The following BANK1 variants were observed in gnomAD, a reference collection of about 807,000 sequenced individuals.
BANK1 encodes the protein B cell scaffold protein with ankyrin repeats 1, also known as B-cell scaffold protein with ankyrin repeats.
Under a neutral mutation model 94.5 loss-of-function variants are expected in BANK1, and 95 were observed. The observed-to-expected ratio is 1.00, with a 90% CI of 0.85 to 1.19. The LOEUF is 1.19. Ranked by LOEUF, BANK1 falls within the 50% of genes most tolerant of loss-of-function variation. The pLI, the probability that BANK1 is intolerant of heterozygous loss-of-function variation, is 0.00. For missense variants in BANK1, 987 were observed against 932.2 expected (o/e 1.06, Z -0.77); for synonymous variants, 334 against 308.4 (o/e 1.08, Z -0.87).
chr4:101,957,847 T>TC (rs1724404996), intron 7 of BANK1, among the ~76,000 whole-genome samples: 1 of 144,844 alleles, frequency 6.9e-6, no homozygotes, highest in East Asian at 2.2e-4. Context: ...TTTTTTGCTT[T>TC]TTTTTTTTTT....
At chr4:101,830,892 T>C (rs1210559087) in intron 2 of BANK1, among the ~76,000 whole-genome samples, 1 of 152,190 alleles carries the variant, frequency 6.6e-6, no homozygotes, top group African/African-American at 2.4e-5. Context: ...CATTTTATCT[T>C]GGCCACACCA....
At chr4:102,007,133 T>TAAA (rs1187828707) in intron 7 of BANK1, among the ~76,000 whole-genome samples, 1 of 44,704 alleles carries the variant, frequency 2.2e-5, no homozygotes, top group African/African-American at 9.2e-5. Context: ...TATATATATA[T>TAAA]AAAAAATATA....
chr4:101,891,996 T>C (rs1721895065), intron 5 of BANK1, among the ~76,000 whole-genome samples: 1 of 151,946 alleles, frequency 6.6e-6, no homozygotes, highest in African/African-American at 2.4e-5. Context: ...CTTTGTCCTC[T>C]TGGTGTTGGC....
chr4:101,791,674 C>T (rs1724992915), intron 1 of BANK1, among the ~76,000 whole-genome samples: 1 of 151,974 alleles, frequency 6.6e-6, no homozygotes, highest in Non-Finnish European at 1.5e-5. Flanking sequence ...CTGGAGTGTT[C>T]GTGGTGAGAA....
chr4:102,029,937 C>T, intron 9 of BANK1, 23 bp from the exon 10 acceptor site: 1 of 1,574,218 alleles, frequency 6.4e-7, no homozygotes, highest in Non-Finnish European at 8.6e-7. Context: ...AGAGTAAACA[C>T]CATGTAAATA....
intron 7 of BANK1, among the ~76,000 whole-genome samples, chr4:102,000,085 C>G (rs1249471263): frequency 6.6e-6 from 1 of 151,920 alleles, no homozygotes; most frequent in African/African-American, 2.4e-5. Flanking sequence ...TTTGGGAGGC[C>G]AAGCAAGACA....
intron 2 of BANK1, among the ~76,000 whole-genome samples, chr4:101,844,554 C>G (rs1727176375): frequency 6.6e-6 from 1 of 152,154 alleles, no homozygotes; most frequent in African/African-American, 2.4e-5. Flanking sequence ...GGTCTTTTAC[C>G]CTCAGTGCAA....
intron 7 of BANK1, among the ~76,000 whole-genome samples, chr4:102,009,994 C>T (rs557493771): frequency 9.5e-4 from 144 of 152,130 alleles, no homozygotes; most frequent in East Asian, 4.3e-3. Flanking sequence ...TGGCTGGGTG[C>T]CGTGGCTCAC....
rs200183297 is a variant in BANK1, at chr4:102,063,130, A to T, written c.2204A>T (p.Asn735Ile). Residue 735 changes from asparagine (N) to isoleucine (I), a missense_variant, in exon 13 of 17, where the codon AAT becomes ATT. Physicochemically the swap from Asn to Ile is moderately radical, Grantham distance 149 (BLOSUM62 -3). Transcript: ENST00000322953. The part of the protein sequence containing the change: ...CIIGKRPEEE[N>I]VYNKLTIVHH... ...ATTGGGAAAAGGCCAGAAGAAGAAA[A>T]TGTCTATAGTAAGTAAGATTCGCCT... 1.2e-6 allele frequency: 2 copies of T among 1,612,528 alleles called. No individual in the cohort carries two copies. Among genetic ancestry groups the T allele is most frequent in the East Asian group, 4.5e-5 (2 of 44,810 alleles).
intron 7 of BANK1, among the ~76,000 whole-genome samples, chr4:101,982,583 A>T (rs370172794): frequency 6.6e-6 from 1 of 152,130 alleles, no homozygotes; most frequent in East Asian, 1.9e-4. Context: ...TTTTTAAAGC[A>T]CTTTTTTATT....
intron 2 of BANK1, among the ~76,000 whole-genome samples, chr4:101,839,354 G>C (rs1327443994): frequency 6.6e-6 from 1 of 151,944 alleles, no homozygotes; most frequent in Non-Finnish European, 1.5e-5. Context: ...ATTTCCTTTT[G>C]ACAGTAAGAG....
At position 101,790,831 on chromosome 4, in the gene BANK1, T is replaced by G; in HGVS notation, c.-50T>G. 6.6e-7 allele frequency: 1 copy of G among 1,519,018 alleles called. No homozygotes were observed. Among genetic ancestry groups the G allele is most frequent in the Non-Finnish European group, 8.8e-7 (1 of 1,131,026 alleles). The allele number at this position is 1,519,018 out of a possible 1,614,324, so 94.1% of individuals were successfully genotyped here. A position where few individuals can be genotyped will look rare whatever the true frequency, so the allele number is the denominator to read the frequency against. On this transcript the variant is annotated 5_prime_UTR_variant, in exon 1 of 17. Transcript: ENST00000322953. ...GAGTCTCTGGCCGGGAGAGTCCAGGTAGCGCTCGGCGGGCAGCAGTGCGCA... is the reference window on the plus strand; with the variant it reads ...GAGTCTCTGGCCGGGAGAGTCCAGGGAGCGCTCGGCGGGCAGCAGTGCGCA...
Position 101,974,358 on chromosome 4 carries a change from C to G in BANK1, c.1207-47156C>G, listed in dbSNP as rs73834525. 6.6e-3 allele frequency among the ~76,000 whole-genome samples: 999 copies of G among 152,228 alleles called. 15 individuals are homozygous for G. The highest frequency in any genetic ancestry group is 0.057 in the East Asian group (293 of 5,172). ...TGTTTGTAAACAACCTGCCTAAATACTATAAAATTTCTGCCACATTGGATA... is the reference window on the plus strand; with the variant it reads ...TGTTTGTAAACAACCTGCCTAAATAGTATAAAATTTCTGCCACATTGGATA... On this transcript the variant is annotated intron_variant, in intron 7 of 16. Transcript: ENST00000322953.
At chr4:101,946,436 C>T (rs1723934547) in intron 7 of BANK1, among the ~76,000 whole-genome samples, 1 of 151,818 alleles carries the variant, frequency 6.6e-6, no homozygotes. Context: ...AGTTCTTTAC[C>T]TATGTTTAGA....
chr4:101,935,981 A>G (rs919379833), intron 7 of BANK1, among the ~76,000 whole-genome samples: 7 of 151,408 alleles, frequency 4.6e-5, no homozygotes, highest in African/African-American at 1.7e-4. Flanking sequence ...ACATGGTGAA[A>G]CCCTCCAGCA....
chr4:102,026,822 C>CAA (rs74429394), intron 9 of BANK1, among the ~76,000 whole-genome samples: 4,467 of 59,604 alleles, frequency 0.075, 129 homozygotes, highest in East Asian at 0.18. Flanking sequence ...GACTCCATCT[C>CAA]AAAAAAAAAA....
chr4:101,842,010 G>T (rs140033190), intron 2 of BANK1, among the ~76,000 whole-genome samples: 16 of 152,154 alleles, frequency 1.1e-4, no homozygotes, highest in African/African-American at 3.6e-4. Flanking sequence ...TGAATATGAA[G>T]AATTTTCTGG....
intron 1 of BANK1, among the ~76,000 whole-genome samples, chr4:101,801,375 T>C: frequency 6.6e-6 from 1 of 152,224 alleles, no homozygotes; most frequent in East Asian, 1.9e-4. Context: ...AAATGACATA[T>C]GTGCCGTGCA....
At chr4:102,021,398 C>T (rs1159446184) in intron 7 of BANK1, 116 bp from the exon 8 acceptor site, 5 of 396,326 alleles carry the variant, frequency 1.3e-5, no homozygotes, top group Non-Finnish European at 2.3e-5. Context: ...AATATATTAT[C>T]CAAGATCTGT....
Sources: gnomAD v4.1 joint callset for allele counts (sites outside exome capture counted in the v4.1 genomes callset) on GRCh38, gnomAD v4.1.1 for gene constraint, MANE v1.5 for transcripts, NCBI Gene and HGNC (gene_info 2026-07-23, HGNC 2026-07-21) for gene names.